The following TP53BP2 variants were observed in gnomAD, a reference collection of about 807,000 sequenced individuals.
TP53BP2 encodes the protein tumor protein p53 binding protein 2, also known as apoptosis-stimulating of p53 protein 2.
In TP53BP2, 62 loss-of-function variants were observed where a neutral mutation model predicts 126.2. The observed-to-expected ratio is 0.49, with a 90% CI of 0.40 to 0.61. The LOEUF is 0.61. Among genes scored for constraint, TP53BP2 ranks in the 20% least tolerant of loss-of-function variants. TP53BP2 has a pLI of 0.00. For missense variants in TP53BP2, 1,215 were observed against 1,402.8 expected, an observed-to-expected ratio of 0.87 and a Z score of 2.14; for synonymous variants, 485 against 502.9, an observed-to-expected ratio of 0.96 and a Z score of 0.48.
Position 223,810,491 on chromosome 1 carries a change from A to T in TP53BP2, c.312T>A (p.Asp104Glu). 6.2e-7 allele frequency: 1 copy of T among 1,607,574 alleles called. No homozygotes were observed. The highest frequency in any genetic ancestry group is 8.5e-7 in the Non-Finnish European group (1 of 1,176,708). Residue 104 changes from aspartate to glutamate, a missense_variant, in exon 4 of 18, where the codon GAT becomes GAA. Physicochemically the swap from Asp to Glu is conservative, Grantham distance 45. Around this residue, in one of 4 missense-constraint regions of TP53BP2, gnomAD observed 814 missense variants for 853.0 expected, o/e 0.95. Coordinates refer to ENST00000343537, the MANE Select transcript of TP53BP2 (RefSeq NM_001031685.3). ...RDIVSGPRSQ[D>E]PSLKRNGVKV... is the part of the protein sequence containing the mutation. Reference sequence around the variant, plus strand: ...TTACACCATTTCTTTTTAAACTTGGATCCTGAGATCTTGGTCCACTCACTA... The same window carrying T: ...TTACACCATTTCTTTTTAAACTTGGTTCCTGAGATCTTGGTCCACTCACTA...
intron 15 of TP53BP2, among the ~76,000 whole-genome samples, chr1:223,789,552 T>C (rs537340438): frequency 7.2e-5 from 11 of 152,358 alleles, no homozygotes; most frequent in Non-Finnish European, 1.6e-4. Flanking sequence ...TAACAGTCCT[T>C]AAGTTATTTA....
At chr1:223,817,368 A>C (rs897981884) in intron 2 of TP53BP2, among the ~76,000 whole-genome samples, 1 of 41,274 alleles carries the variant, frequency 2.4e-5, no homozygotes, top group African/African-American at 1.0e-4. Context: ...GGAAAGGAGG[A>C]GGGGGAGGGA....
At chr1:223,795,729 A>T (rs1037310221) in intron 13 of TP53BP2, 86 bp downstream of exon 13, 88 of 1,287,272 alleles carry the variant, frequency 6.8e-5, no homozygotes, top group Admixed American at 1.0e-4. Context: ...TAAAAATGCA[A>T]ACTGGAGAAG....
intron 3 of TP53BP2, among the ~76,000 whole-genome samples, chr1:223,812,685 G>A (rs550736706): frequency 4.0e-5 from 6 of 151,890 alleles, no homozygotes; most frequent in Admixed American, 1.3e-4. Context: ...TCAGCCTCCC[G>A]AGTAGCTGGG....
chr1:223,792,980 G>A (rs1477632934), intron 14 of TP53BP2, among the ~76,000 whole-genome samples: 1 of 151,870 alleles, frequency 6.6e-6, no homozygotes, highest in African/African-American at 2.4e-5. Context: ...TTTCTAAAGG[G>A]GAGTAATGAT....
At chr1:223,833,192 G>A (rs970657957) in intron 1 of TP53BP2, among the ~76,000 whole-genome samples, 1 of 152,140 alleles carries the variant, frequency 6.6e-6, no homozygotes, top group East Asian at 1.9e-4. Flanking sequence ...AAGGCTCAAT[G>A]ATATTAAACC....
chr1:223,788,153 C>T (rs534651143), intron 16 of TP53BP2, among the ~76,000 whole-genome samples: 2 of 152,268 alleles, frequency 1.3e-5, no homozygotes, highest in South Asian at 4.1e-4. Context: ...GTTTGTGGTT[C>T]TCTGACCCCT....
intron 1 of TP53BP2, among the ~76,000 whole-genome samples, chr1:223,831,228 T>TA (rs34353727): frequency 3.8e-3 from 511 of 133,112 alleles, no homozygotes; most frequent in African/African-American, 0.011. Context: ...CCATTTATAT[T>TA]AAAAAAAAAA....
chr1:223,837,155 A>AAG (rs375687027), intron 1 of TP53BP2, among the ~76,000 whole-genome samples: 1 of 76,688 alleles, frequency 1.3e-5, no homozygotes, highest in Non-Finnish European at 2.7e-5. Context: ...TAAAAAAAAA[A>AAG]GGGGGGGGGC....
intron 1 of TP53BP2, among the ~76,000 whole-genome samples, chr1:223,827,046 C>T (rs1027048876): frequency 9.9e-5 from 15 of 152,006 alleles, no homozygotes; most frequent in Non-Finnish European, 1.6e-4. Flanking sequence ...TGGGAAGGGC[C>T]CACAGAATGA....
intron 1 of TP53BP2, among the ~76,000 whole-genome samples, chr1:223,824,350 T>C (rs1663417205): frequency 6.6e-6 from 1 of 152,216 alleles, no homozygotes; most frequent in Non-Finnish European, 1.5e-5. Context: ...TTAACACTGG[T>C]ATGAACAGTA....
chr1:223,841,910 TTC>T (rs1395356256), intron 1 of TP53BP2, among the ~76,000 whole-genome samples: 1 of 138,888 alleles, frequency 7.2e-6, no homozygotes, highest in Non-Finnish European at 1.5e-5. Flanking sequence ...TACTTTCTCT[TTC>T]TTTTTTTTTT....
intron 15 of TP53BP2, among the ~76,000 whole-genome samples, chr1:223,789,402 G>A (rs1662078209): frequency 6.6e-6 from 1 of 152,186 alleles, no homozygotes; most frequent in African/African-American, 2.4e-5. Flanking sequence ...GGGGCTGGGA[G>A]CTTAGCAAAG....
intron 1 of TP53BP2, among the ~76,000 whole-genome samples, chr1:223,833,269 T>C (rs768093372): frequency 1.4e-4 from 22 of 152,260 alleles, no homozygotes; most frequent in Non-Finnish European, 2.4e-4. Flanking sequence ...TCAGTTCCTA[T>C]CAGTTACATC....
chr1:223,834,200 A>C (rs911161702), intron 1 of TP53BP2, among the ~76,000 whole-genome samples: 1 of 152,194 alleles, frequency 6.6e-6, no homozygotes, highest in African/African-American at 2.4e-5. Flanking sequence ...ATTGCAAGGG[A>C]AAAGTCACTA....
At chr1:223,821,066 T>A in intron 2 of TP53BP2, 154 bp downstream of exon 2, 1 of 913,662 alleles carries the variant, frequency 1.1e-6, no homozygotes, top group Admixed American at 2.7e-5. Context: ...TCATGTATCA[T>A]ACCAAAGCTG....
chr1:223,839,793 A>G (rs376790257), intron 1 of TP53BP2, among the ~76,000 whole-genome samples: 3 of 152,068 alleles, frequency 2.0e-5, no homozygotes, highest in East Asian at 1.9e-4. Flanking sequence ...AATTTAGCTG[A>G]GTGTGGTGGC....
intron 5 of TP53BP2, among the ~76,000 whole-genome samples, chr1:223,806,371 G>GT (rs1252390783): frequency 1.3e-5 from 2 of 152,270 alleles, no homozygotes; most frequent in African/African-American, 4.8e-5. Context: ...AAATGCTATA[G>GT]TAAGGACTCA....
intron 1 of TP53BP2, among the ~76,000 whole-genome samples, chr1:223,833,442 G>C (rs1393351868): frequency 2.0e-5 from 3 of 152,132 alleles, no homozygotes; most frequent in African/African-American, 7.2e-5. Context: ...TGTTAATCAG[G>C]CATGGACTAT....
Sources: allele counts gnomAD v4.1 joint callset (sites outside exome capture counted in the v4.1 genomes callset), GRCh38; gene constraint gnomAD v4.1.1; regional missense constraint gnomAD v4.1.1; transcripts MANE v1.5; gene names NCBI Gene and HGNC (gene_info 2026-07-23, HGNC 2026-07-21).